The following FAM171B variants were observed in gnomAD, a reference collection of about 807,000 sequenced individuals.
FAM171B encodes the protein family with sequence similarity 171 member B, also known as protein FAM171B.
In FAM171B, 19 loss-of-function variants were observed where a neutral mutation model predicts 75.6. The ratio of observed to expected loss-of-function variants is 0.25; its 90% CI spans 0.18 to 0.37. The LOEUF is 0.37. FAM171B is among the 10% of genes least tolerant of loss of function. FAM171B has a pLI of 1.00. For missense variants in FAM171B, 848 were observed against 982.4 expected, an observed-to-expected ratio of 0.86 and a Z score of 1.83; for synonymous variants, 367 against 361.7, an observed-to-expected ratio of 1.01 and a Z score of -0.17.
chr2:186,757,932 T>A (rs1412501922), intron 6 of FAM171B, among the ~76,000 whole-genome samples: 1 of 152,188 alleles, frequency 6.6e-6, no homozygotes, highest in Non-Finnish European at 1.5e-5. Context: ...CAATCCTCCA[T>A]ACAGATCTAC....
chr2:186,727,297 G>GA (rs1200716799), intron 1 of FAM171B, among the ~76,000 whole-genome samples: 1 of 152,168 alleles, frequency 6.6e-6, no homozygotes, highest in African/African-American at 2.4e-5. Context: ...ACATTTATTT[G>GA]AAAAGGGGGC....
At chr2:186,728,765 G>T (rs892348610) in intron 1 of FAM171B, among the ~76,000 whole-genome samples, 1 of 152,084 alleles carries the variant, frequency 6.6e-6, no homozygotes, top group African/African-American at 2.4e-5. Flanking sequence ...GTGAGTTTTT[G>T]TACTGGATAA....
In FAM171B at chr2:186,765,868, A is replaced by G. The variant is rs1365401908; in HGVS notation, c.*3045A>G. The G allele has an allele frequency of 2.0e-5, 3 of 152,082 alleles. No homozygotes were observed. The highest frequency in any genetic ancestry group is 7.2e-5 in the African/African-American group (3 of 41,444). The allele number at this position is 152,082 out of a possible 1,614,324, so 9.4% of individuals were successfully genotyped here. On this transcript the variant is annotated 3_prime_UTR_variant, in exon 8 of 8. Transcript: ENST00000304698. ...TTTCGGTGTATTTATTGCTGTTACT[A>G]CTATATTTACTGCTGAAAACTGTAA...
At position 186,740,432 on chromosome 2, in the gene FAM171B, C is replaced by T; in HGVS notation, c.443C>T (p.Pro148Leu). ...IAYKDGYVLT[P>L]LPWKTRRMPI... ...TACAAAGATGGCTACGTGTTGACCC[C>T]TCTGCCTTGGAAAACCAGAAGAATG... is the stretch of plus-strand genomic sequence containing the variant. Residue 148 changes from proline (P) to leucine (L), a missense_variant, in exon 2 of 8, where the codon CCT becomes CTT. Transcript: ENST00000304698. 1 of 1,612,570 alleles carries T rather than the reference C, an allele frequency of 6.2e-7. No homozygotes were observed. Among genetic ancestry groups the T allele is most frequent in the Non-Finnish European group, 8.5e-7 (1 of 1,179,004 alleles).
intron 1 of FAM171B, among the ~76,000 whole-genome samples, chr2:186,702,590 A>G (rs554510609): frequency 3.3e-5 from 5 of 152,230 alleles, no homozygotes; most frequent in African/African-American, 1.2e-4. Flanking sequence ...GTATTTTTAC[A>G]TACTTGTTAA....
At chr2:186,703,165 T>C (rs372688506) in intron 1 of FAM171B, among the ~76,000 whole-genome samples, 4 of 152,052 alleles carry the variant, frequency 2.6e-5, no homozygotes, top group South Asian at 4.2e-4. Context: ...CTGCAACCTC[T>C]GCCTCCTGGG....
chr2:186,701,121 A>G (rs1689654255), intron 1 of FAM171B, among the ~76,000 whole-genome samples: 1 of 152,004 alleles, frequency 6.6e-6, no homozygotes, highest in South Asian at 2.1e-4. Context: ...GGGTTTCACC[A>G]TGTTGACCAA....
At chr2:186,722,225 A>G (rs1331169596) in intron 1 of FAM171B, among the ~76,000 whole-genome samples, 2 of 152,328 alleles carry the variant, frequency 1.3e-5, no homozygotes, top group Admixed American at 1.3e-4. Flanking sequence ...AGCTTTGAGC[A>G]TAGTTTGGGA....
chr2:186,700,389 A>G lies in FAM171B; in HGVS notation c.238+5978A>G, dbSNP rs1301207195. Among the ~76,000 whole-genome samples, 3 of 152,116 alleles carry G rather than the reference A, an allele frequency of 2.0e-5. No individual in the cohort carries two copies. The East Asian group carries it at 5.8e-4, about 29-fold the overall frequency. On this transcript the variant is annotated intron_variant, in intron 1 of 7. Transcript: ENST00000304698. ...TTATATCACCTTAGAAAGTTTCTTC[A>G]TAGCCCCTTCCCAGGCAATTCCTGT...
At chr2:186,724,115 C>T (rs1689995429) in intron 1 of FAM171B, among the ~76,000 whole-genome samples, 1 of 152,156 alleles carries the variant, frequency 6.6e-6, no homozygotes, top group Admixed American at 6.5e-5. Flanking sequence ...AGTGGGTTAG[C>T]ACAGCAAGTT....
At chr2:186,751,336 T>G (rs1690450039) in intron 5 of FAM171B, 32 bp downstream of exon 5, 1 of 1,464,782 alleles carries the variant, frequency 6.8e-7, no homozygotes, top group East Asian at 2.3e-5. Flanking sequence ...AGTCTGAATA[T>G]TTTACATATT....
intron 5 of FAM171B, among the ~76,000 whole-genome samples, chr2:186,753,703 G>A (rs113369752): frequency 8.0e-4 from 122 of 152,216 alleles, no homozygotes; most frequent in African/African-American, 2.7e-3. Flanking sequence ...TTGAGCCACC[G>A]CACCTGGCCA....
intron 1 of FAM171B, among the ~76,000 whole-genome samples, chr2:186,726,796 T>G (rs1690039940): frequency 6.6e-6 from 1 of 152,196 alleles, no homozygotes; most frequent in Non-Finnish European, 1.5e-5. Flanking sequence ...TAGTATTAAT[T>G]TGTGAAAGGA....
chr2:186,747,271 A>T, intron 4 of FAM171B, 21 bp downstream of exon 4: 1 of 1,507,270 alleles, frequency 6.6e-7, no homozygotes, highest in Non-Finnish European at 8.9e-7. Flanking sequence ...CTTTTTGTAT[A>T]ATATAGTTAT....
chr2:186,744,072 T>C (rs1690332262), intron 3 of FAM171B, among the ~76,000 whole-genome samples: 1 of 152,184 alleles, frequency 6.6e-6, no homozygotes, highest in African/African-American at 2.4e-5. Flanking sequence ...ATGTTTTGGG[T>C]ACTGATTCAA....
Position 186,709,064 on chromosome 2 carries a change from C to T in FAM171B, c.238+14653C>T, listed in dbSNP as rs149926095. Among the ~76,000 whole-genome samples, 11 of 152,186 alleles carry T rather than the reference C, an allele frequency of 7.2e-5. 1 individual carries two copies. The East Asian group carries it at 2.1e-3, about 29-fold the overall frequency. ...GTCATAGTAGAAGGCAAAGAGGGAG[C>T]AGGCTCATCACACAGAGAAAGAAGG... On this transcript the variant is annotated intron_variant, in intron 1 of 7. Coordinates refer to ENST00000304698, the MANE Select transcript of FAM171B (RefSeq NM_177454.4).
At chr2:186,722,646 AG>A (rs1689972711) in intron 1 of FAM171B, among the ~76,000 whole-genome samples, 1 of 152,180 alleles carries the variant, frequency 6.6e-6, no homozygotes, top group Admixed American at 6.5e-5. Flanking sequence ...CAGGATAGAG[AG>A]GACTGGGTTG....
At chr2:186,701,420 C>T (rs1689659775) in intron 1 of FAM171B, among the ~76,000 whole-genome samples, 2 of 152,108 alleles carry the variant, frequency 1.3e-5, no homozygotes, top group South Asian at 4.1e-4. Context: ...TAACTATAGT[C>T]CTCATGCTGT....
chr2:186,696,997 T>TGGCTGGAC (rs1689592052), intron 1 of FAM171B, among the ~76,000 whole-genome samples: 2 of 137,530 alleles, frequency 1.5e-5, no homozygotes, highest in African/African-American at 6.0e-5. Context: ...ATTTGTTGAA[T>TGGCTGGAC]GGATGGACGG....
Sources: gnomAD v4.1 joint callset for allele counts (sites outside exome capture counted in the v4.1 genomes callset) on GRCh38, gnomAD v4.1.1 for gene constraint, MANE v1.5 for transcripts, NCBI Gene and HGNC (gene_info 2026-07-23, HGNC 2026-07-21) for gene names.